The following LAMA2 variants were observed in gnomAD, a reference collection of about 807,000 sequenced individuals.
LAMA2 encodes the protein laminin subunit alpha-2.
In LAMA2, 269 loss-of-function variants were observed where a neutral mutation model predicts 364.8. That is an observed-to-expected ratio of 0.74 (90% CI 0.67 to 0.82). The LOEUF (loss-of-function observed/expected upper bound fraction) is 0.82, where lower values mean the gene tolerates loss of function less well. LAMA2 is among the 40% of genes least tolerant of loss of function. The pLI is 0.00. For missense variants in LAMA2, 3,807 were observed against 3,873.2 expected (o/e 0.98, Z 0.45); for synonymous variants, 1,379 against 1,370.6 (o/e 1.01, Z -0.14).
chr6:129,260,834 A>G lies in LAMA2; in HGVS notation c.2208+12A>G. The stretch of plus-strand genomic sequence containing the variant: ...GCTCCTCTTGTGAAGTAAGCTTGCA[A>G]GAATGTATCCTTAGTGCTTTCAAAG... On this transcript the variant is annotated intron_variant, in intron 15 of 64. Transcript: ENST00000421865. 1 of 1,466,674 alleles carries G rather than the reference A, an allele frequency of 6.8e-7. No individual in the cohort carries two copies. The highest frequency in any genetic ancestry group is 9.6e-7 in the Non-Finnish European group (1 of 1,045,846). The allele number at this position is 1,466,674 out of a possible 1,614,324, so 90.9% of individuals were successfully genotyped here. A position where few individuals can be genotyped will look rare whatever the true frequency, so the allele number is the denominator to read the frequency against.
Position 129,454,292 on chromosome 6 carries a change from A to C in LAMA2, c.6707+4A>C, listed in dbSNP as rs1426338373. ...GGTACCGTATCGTAGCATCAAGGTA[A>C]CCAACTTAATAAAGATTAAGATAAT... On this transcript the variant is annotated splice_donor_region_variant and intron_variant, in intron 47 of 64. Coordinates refer to ENST00000421865, the MANE Select transcript of LAMA2 (RefSeq NM_000426.4). 2 of 1,608,550 alleles carry C rather than the reference A, an allele frequency of 1.2e-6. No homozygotes were observed. Among genetic ancestry groups the C allele is most frequent in the Middle Eastern group, 1.7e-4 (1 of 6,046 alleles).
chr6:129,177,759 G>A lies in LAMA2; in HGVS notation c.1360G>A (p.Asp454Asn). The change falls in exon 10 of 65, where the codon GAT (aspartate) becomes AAT (asparagine). Residue 454 changes from aspartate (D) to asparagine (N), a missense_variant. Coordinates refer to ENST00000421865, the MANE Select transcript of LAMA2 (RefSeq NM_000426.4). ...CKTGFGGVSCDRCARGYTGYP... is the reference protein window; with the variant it reads ...CKTGFGGVSCNRCARGYTGYP... The stretch of plus-strand genomic sequence containing the variant: ...AACTGGTTTTGGAGGTGTGAGCTGT[G>A]ATCGGTGTGCCAGGGGCTACACTGG... 1 of 1,614,014 alleles carries A rather than the reference G, an allele frequency of 6.2e-7. No individual in the cohort carries two copies. The highest frequency in any genetic ancestry group is 8.5e-7 in the Non-Finnish European group (1 of 1,179,954).
chr6:129,163,046 G>A (rs1779532489), intron 8 of LAMA2, among the ~76,000 whole-genome samples: 1 of 152,100 alleles, frequency 6.6e-6, no homozygotes, highest in African/African-American at 2.4e-5. Context: ...GATTCACAAA[G>A]CTTCTAGGAA....
intron 50 of LAMA2, 135 bp from the exon 51 acceptor site, chr6:129,465,010 A>G (rs1783466891): frequency 1.3e-6 from 1 of 757,108 alleles, no homozygotes; most frequent in East Asian, 2.6e-5. Context: ...TCTATTTTCA[A>G]AATGGATTTC....
intron 44 of LAMA2, among the ~76,000 whole-genome samples, chr6:129,444,904 G>A (rs533823332): frequency 2.0e-5 from 3 of 152,368 alleles, no homozygotes; most frequent in South Asian, 4.1e-4. Flanking sequence ...GGTTTACCAC[G>A]TGGCATAGGC....
chr6:129,008,472 T>C (rs1430232717), intron 1 of LAMA2, among the ~76,000 whole-genome samples: 1 of 152,140 alleles, frequency 6.6e-6, no homozygotes, highest in Non-Finnish European at 1.5e-5. Context: ...ATCATAACCC[T>C]GGGAGAGTGG....
chr6:129,041,473 G>A (rs1787090631), intron 1 of LAMA2, among the ~76,000 whole-genome samples: 3 of 152,172 alleles, frequency 2.0e-5, no homozygotes, highest in African/African-American at 7.2e-5. Flanking sequence ...AAGTTGAAAA[G>A]ATAGTTTTCC....
intron 1 of LAMA2, among the ~76,000 whole-genome samples, chr6:128,930,891 G>C (rs932643059): frequency 6.6e-6 from 1 of 152,054 alleles, no homozygotes; most frequent in Non-Finnish European, 1.5e-5. Flanking sequence ...GTTTCCCTAC[G>C]TGTACACACA....
chr6:129,461,485 G>A (rs1003448368), intron 49 of LAMA2, among the ~76,000 whole-genome samples: 2 of 152,006 alleles, frequency 1.3e-5, no homozygotes, highest in Non-Finnish European at 2.9e-5. Flanking sequence ...TAACATGGAA[G>A]GTTGTCTGTA....
intron 8 of LAMA2, chr6:129,158,913 C>A: frequency 6.2e-7 from 1 of 1,605,434 alleles, no homozygotes; most frequent in Non-Finnish European, 8.5e-7. Flanking sequence ...TTAATAGCAT[C>A]ATCTGGGCAG....
At chr6:129,056,251 A>T (rs775732007) in intron 2 of LAMA2, among the ~76,000 whole-genome samples, 1 of 152,178 alleles carries the variant, frequency 6.6e-6, no homozygotes, top group Non-Finnish European at 1.5e-5. Context: ...TTGATTCCCC[A>T]TATGCCAATT....
At chr6:129,055,966 A>G (rs1027225341) in intron 2 of LAMA2, among the ~76,000 whole-genome samples, 3 of 152,220 alleles carry the variant, frequency 2.0e-5, no homozygotes, top group Non-Finnish European at 4.4e-5. Context: ...ATTATGGTTA[A>G]TTGTTGATTC....
intron 58 of LAMA2, among the ~76,000 whole-genome samples, chr6:129,495,146 G>C (rs986758515): frequency 6.6e-6 from 1 of 152,136 alleles, no homozygotes. Context: ...AGGCAGGCTC[G>C]AGTTGTTAGA....
intron 3 of LAMA2, among the ~76,000 whole-genome samples, chr6:129,083,374 A>G (rs183808699): frequency 6.6e-6 from 1 of 152,332 alleles, no homozygotes; most frequent in East Asian, 1.9e-4. Flanking sequence ...AACCTCAGGG[A>G]ATACCACTGA....
chr6:128,972,724 C>T (rs1782262558), intron 1 of LAMA2, among the ~76,000 whole-genome samples: 1 of 151,592 alleles, frequency 6.6e-6, no homozygotes, highest in African/African-American at 2.4e-5. Flanking sequence ...AAAATACATG[C>T]CAGATTAAAA....
At chr6:129,056,232 T>G (rs1004436497) in intron 2 of LAMA2, among the ~76,000 whole-genome samples, 1 of 152,226 alleles carries the variant, frequency 6.6e-6, no homozygotes, top group Non-Finnish European at 1.5e-5. Context: ...CAATATTTCA[T>G]TTATGGTTTT....
At chr6:128,930,053 C>G in intron 1 of LAMA2, 1 of 385,016 alleles carries the variant, frequency 2.6e-6, no homozygotes, top group Non-Finnish European at 4.7e-6. Flanking sequence ...GCGCCCGCAG[C>G]CCTGCAGGGC....
intron 41 of LAMA2, among the ~76,000 whole-genome samples, chr6:129,430,341 G>A (rs1781528107): frequency 6.6e-6 from 1 of 152,150 alleles, no homozygotes; most frequent in Non-Finnish European, 1.5e-5. Flanking sequence ...GTTCAATTCA[G>A]TACAGTTCAG....
chr6:128,975,727 C>T (rs532459451), intron 1 of LAMA2, among the ~76,000 whole-genome samples: 3 of 152,234 alleles, frequency 2.0e-5, no homozygotes, highest in African/African-American at 7.2e-5. Context: ...CTGCACATGC[C>T]CTCTTGCCTG....
Sources: allele counts gnomAD v4.1 joint callset (sites outside exome capture counted in the v4.1 genomes callset), GRCh38; gene constraint gnomAD v4.1.1; transcripts MANE v1.5; gene names NCBI Gene and HGNC (gene_info 2026-07-23, HGNC 2026-07-21).